MED27: variants seen among roughly 807,000 people sequenced by gnomAD.
MED27 encodes mediator complex subunit 27.
In MED27, 30 loss-of-function variants were observed where a neutral mutation model predicts 38.2. The ratio of observed to expected loss-of-function variants is 0.79; its 90% CI spans 0.59 to 1.07. The LOEUF (loss-of-function observed/expected upper bound fraction) is 1.07, where lower values mean the gene tolerates loss of function less well. Ranked by LOEUF, MED27 falls within the 50% of genes least tolerant of loss-of-function variation. The probability of loss-of-function intolerance (pLI) is 0.00; values close to 1 mark genes in which losing one functional copy is unlikely to be tolerated. For synonymous variants in MED27, 122 were observed against 153.5 expected, an observed-to-expected ratio of 0.79 and a Z score of 1.52; for missense variants, 289 against 397.5, an observed-to-expected ratio of 0.73 and a Z score of 2.32.
intron 3 of MED27, among the ~76,000 whole-genome samples, chr9:131,965,279 A>G (rs1265000714): frequency 6.6e-6 from 1 of 152,246 alleles, no homozygotes; most frequent in Non-Finnish European, 1.5e-5. Flanking sequence ...GAGTTGAAAC[A>G]TACCACAGTG....
intron 3 of MED27, among the ~76,000 whole-genome samples, chr9:131,968,613 G>A (rs1831408664): frequency 6.6e-6 from 1 of 152,110 alleles, no homozygotes. Flanking sequence ...GATGGGACAA[G>A]AATCTTGCTT....
intron 6 of MED27, among the ~76,000 whole-genome samples, chr9:131,864,349 G>A (rs746497511): frequency 2.0e-5 from 3 of 152,142 alleles, no homozygotes; most frequent in Non-Finnish European, 4.4e-5. Flanking sequence ...TGGCTGTGAT[G>A]CCACACACCT....
intron 4 of MED27, among the ~76,000 whole-genome samples, chr9:131,937,157 T>C (rs1391118412): frequency 6.6e-6 from 1 of 152,208 alleles, no homozygotes; most frequent in East Asian, 1.9e-4. Flanking sequence ...ACGATGGATG[T>C]GGTAGCAGTG....
chr9:132,013,460 T>C (rs903263462), intron 3 of MED27, among the ~76,000 whole-genome samples: 2 of 152,182 alleles, frequency 1.3e-5, no homozygotes, highest in South Asian at 2.1e-4. Flanking sequence ...GGAACCCTTA[T>C]GGGATTCTGG....
chr9:131,951,258 C>T (rs1261822553), intron 3 of MED27, among the ~76,000 whole-genome samples: 10 of 152,338 alleles, frequency 6.6e-5, no homozygotes, highest in Middle Eastern at 6.8e-3. Context: ...TCATCAATCA[C>T]GGTATCCTTG....
chr9:131,905,734 AAG>A (rs1830049571), intron 4 of MED27, among the ~76,000 whole-genome samples: 1 of 28,146 alleles, frequency 3.6e-5, no homozygotes, highest in Non-Finnish European at 8.0e-5. Context: ...AAAACAGAAA[AAG>A]AAAAAGAAAA....
intron 4 of MED27, among the ~76,000 whole-genome samples, chr9:131,896,067 T>C (rs558788799): frequency 3.6e-4 from 54 of 152,092 alleles, no homozygotes; most frequent in African/African-American, 1.3e-3. Context: ...TCTGGCTAAG[T>C]TTTTTGTATT....
chr9:132,063,150 G>T (rs1017290505), intron 2 of MED27, among the ~76,000 whole-genome samples: 8 of 152,296 alleles, frequency 5.3e-5, no homozygotes, highest in African/African-American at 1.9e-4. Flanking sequence ...TCACTAGGAA[G>T]TGCCTTCCAG....
chr9:132,077,840 T>C (rs1026142261), intron 1 of MED27, among the ~76,000 whole-genome samples: 2 of 151,840 alleles, frequency 1.3e-5, no homozygotes, highest in African/African-American at 4.8e-5. Flanking sequence ...GTAGAATCAA[T>C]AAGACCCCCA....
intron 2 of MED27, among the ~76,000 whole-genome samples, chr9:132,034,233 A>T (rs1833024338): frequency 6.6e-6 from 1 of 152,216 alleles, no homozygotes; most frequent in African/African-American, 2.4e-5. Context: ...ATAAATATAA[A>T]CAGATCTGAA....
At chr9:132,057,008 TG>T (rs1589293811) in intron 2 of MED27, among the ~76,000 whole-genome samples, 2 of 152,300 alleles carry the variant, frequency 1.3e-5, no homozygotes, top group East Asian at 3.9e-4. Context: ...CAAGGGACCA[TG>T]GGGCCCCACA....
At chr9:131,888,324 T>C (rs1009876500) in intron 5 of MED27, among the ~76,000 whole-genome samples, 4 of 152,184 alleles carry the variant, frequency 2.6e-5, no homozygotes, top group Admixed American at 6.5e-5. Context: ...CACCATTGCA[T>C]AGTTAATGCG....
chr9:131,998,518 T>A (rs773476390), intron 3 of MED27, among the ~76,000 whole-genome samples: 9 of 152,178 alleles, frequency 5.9e-5, no homozygotes, highest in Non-Finnish European at 1.0e-4. Flanking sequence ...CTTCCAGGTC[T>A]GGGTTTTCAT....
chr9:131,928,262 T>C (rs1830517656), intron 4 of MED27, among the ~76,000 whole-genome samples: 1 of 152,194 alleles, frequency 6.6e-6, no homozygotes, highest in Non-Finnish European at 1.5e-5. Flanking sequence ...GCACTGGCTC[T>C]GTGGCTTGGG....
chr9:132,021,443 G>T (rs1364478478), intron 2 of MED27, among the ~76,000 whole-genome samples: 1 of 152,040 alleles, frequency 6.6e-6, no homozygotes, highest in African/African-American at 2.4e-5. Context: ...AAGGGAAAGA[G>T]AAAGACAACA....
At chr9:131,959,336 G>C (rs1245280915) in intron 3 of MED27, among the ~76,000 whole-genome samples, 1 of 152,216 alleles carries the variant, frequency 6.6e-6, no homozygotes, top group African/African-American at 2.4e-5. Flanking sequence ...TAAGTGGTCA[G>C]TTATATGATG....
At chr9:131,956,916 T>C (rs1360674949) in intron 3 of MED27, among the ~76,000 whole-genome samples, 2 of 151,160 alleles carry the variant, frequency 1.3e-5, no homozygotes, top group Non-Finnish European at 2.9e-5. Flanking sequence ...AACAAGGACA[T>C]GCCAATCTTC....
intron 4 of MED27, among the ~76,000 whole-genome samples, chr9:131,901,188 T>C (rs1829940508): frequency 6.6e-6 from 1 of 152,096 alleles, no homozygotes; most frequent in Non-Finnish European, 1.5e-5. Flanking sequence ...GTGTTTTCCT[T>C]CATACAATAT....
At chr9:131,884,251 T>C (rs1266118844) in intron 5 of MED27, 152 bp from the exon 6 acceptor site, 5 of 544,414 alleles carry the variant, frequency 9.2e-6, no homozygotes, top group African/African-American at 7.9e-5. Flanking sequence ...GGATCTTAAA[T>C]GTCTGACTTA....
Sources: allele counts gnomAD v4.1 joint callset (sites outside exome capture counted in the v4.1 genomes callset), GRCh38; gene constraint gnomAD v4.1.1; transcripts MANE v1.5; gene names NCBI Gene and HGNC (gene_info 2026-07-23, HGNC 2026-07-21).